Variants in INSC observed in about 807,000 individuals in gnomAD.
INSC encodes INSC spindle orientation adaptor protein.
INSC carries 67 observed loss-of-function variants against 58.6 expected under a neutral mutation model. That is an observed-to-expected ratio of 1.14 (90% CI 0.94 to 1.40). The LOEUF (loss-of-function observed/expected upper bound fraction) is 1.40, where lower values mean the gene tolerates loss of function less well. Among genes scored for constraint, INSC ranks in the 40% most tolerant of loss-of-function variants. The probability of loss-of-function intolerance (pLI) is 0.00; values close to 1 mark genes in which losing one functional copy is unlikely to be tolerated. For synonymous variants in INSC, 262 were observed against 276.1 expected, an observed-to-expected ratio of 0.95 and a Z score of 0.51; for missense variants, 714 against 692.0, an observed-to-expected ratio of 1.03 and a Z score of -0.36.
upstream of INSC, among the ~76,000 whole-genome samples, chr11:15,111,958 C>A (rs1847582892): frequency 6.6e-6 from 1 of 152,114 alleles, no homozygotes; most frequent in East Asian, 1.9e-4. Flanking sequence ...GCAATTGATA[C>A]CTATGAAGTT....
intron 7 of INSC, among the ~76,000 whole-genome samples, chr11:15,211,120 TA>T (rs5789868): frequency 0.24 from 37,204 of 152,096 alleles, 5,516 homozygotes; most frequent in East Asian, 0.73. Flanking sequence ...CAAGCCCAGC[TA>T]ATGGACAATC....
the INSC span, among the ~76,000 whole-genome samples, chr11:15,262,689 A>ACACACACACAC: frequency 1.4e-5 from 1 of 72,816 alleles, no homozygotes; most frequent in African/African-American, 5.0e-5. Flanking sequence ...CACACACACA[A>ACACACACACAC]ACAGTATCTC....
At chr11:15,130,100 A>G (rs1050826354) in intron 1 of INSC, among the ~76,000 whole-genome samples, 4 of 152,216 alleles carry the variant, frequency 2.6e-5, no homozygotes, top group East Asian at 1.9e-4. Context: ...TTTCTGTACT[A>G]GCTAAGATCT....
At chr11:15,120,089 T>C (rs1847833622) in intron 1 of INSC, among the ~76,000 whole-genome samples, 1 of 152,214 alleles carries the variant, frequency 6.6e-6, no homozygotes, top group Non-Finnish European at 1.5e-5. Flanking sequence ...TGAGCCTCCC[T>C]TTCCTGGTGC....
upstream of INSC, chr11:15,112,591 AGTGT>A (rs375142839): frequency 0.046 from 16,999 of 366,086 alleles, 270 homozygotes; most frequent in East Asian, 0.09. Flanking sequence ...GGTGGATGTG[AGTGT>A]GTGTGTGTGT....
chr11:15,121,120 C>T lies in INSC; in HGVS notation c.-46+6117C>T, dbSNP rs532082618. ...AGGAGAAATTGGAGACATGATGCCT[C>T]TTTAGCCCCTATATCGTTAAGTATA... is the stretch of plus-strand genomic sequence containing the variant. On this transcript the variant is annotated intron_variant, in intron 1 of 12. Transcript: ENST00000379556. Among the ~76,000 whole-genome samples the T allele has an allele frequency of 2.0e-5, 3 of 151,982 alleles. No individual in the cohort carries two copies. The South Asian group carries it at 6.2e-4, about 32-fold the overall frequency.
chr11:15,147,221 T>C (rs1848514979), intron 1 of INSC, among the ~76,000 whole-genome samples: 1 of 152,218 alleles, frequency 6.6e-6, no homozygotes, highest in South Asian at 2.1e-4. Flanking sequence ...TAGTTTTTCT[T>C]TTGCGCCATC....
chr11:15,210,538 TGTG>T, intron 7 of INSC, among the ~76,000 whole-genome samples: 1 of 151,672 alleles, frequency 6.6e-6, no homozygotes, highest in East Asian at 1.9e-4. Context: ...TGTGTGTGTG[TGTG>T]TGTGTGGTGG....
At chr11:15,200,973 G>A in intron 7 of INSC, 24 bp downstream of exon 7, 1 of 1,577,250 alleles carries the variant, frequency 6.3e-7, no homozygotes, top group South Asian at 1.1e-5. Context: ...GCTGGGTGGT[G>A]CCTGAGGTCC....
At chr11:15,181,261 T>C (rs1230725338) in intron 5 of INSC, among the ~76,000 whole-genome samples, 2 of 152,246 alleles carry the variant, frequency 1.3e-5, no homozygotes, top group African/African-American at 4.8e-5. Flanking sequence ...TTAAGCAACA[T>C]ATTCCAAACT....
At chr11:15,230,007 ATATATAATATAT>A (rs1851850999) in intron 9 of INSC, among the ~76,000 whole-genome samples, 1 of 26,406 alleles carries the variant, frequency 3.8e-5, no homozygotes. Context: ...ATATATATAT[ATATATAATATAT>A]ATATATATAT....
At position 15,177,060 on chromosome 11, in the gene INSC, T is replaced by C. The variant is rs375899760; in HGVS notation, c.403-51T>C. Reference sequence around the variant, plus strand: ...CCCGTGTGCTCAGCACAGCAGTTGGTCCTCAGTTAATGCTTACTGAGTTGA... The same window carrying C: ...CCCGTGTGCTCAGCACAGCAGTTGGCCCTCAGTTAATGCTTACTGAGTTGA... On this transcript the variant is annotated intron_variant, in intron 3 of 12. Coordinates refer to ENST00000379556, the MANE Select transcript of INSC (RefSeq NM_001042536.3). 28 of 1,390,540 alleles carry C rather than the reference T, an allele frequency of 2.0e-5. No individual in the cohort carries two copies. The African/African-American group carries it at 3.4e-4, about 17-fold the overall frequency. 86.1% of individuals were successfully genotyped at this position (1,390,540 alleles called of 1,614,324 possible). A position where few individuals can be genotyped will look rare whatever the true frequency, so the allele number is the denominator to read the frequency against.
At chr11:15,265,942 A>G in the INSC span, among the ~76,000 whole-genome samples, 1 of 151,168 alleles carries the variant, frequency 6.6e-6, no homozygotes, top group Middle Eastern at 3.2e-3. Flanking sequence ...CCTTTGCCTC[A>G]GTGAAATTTT....
upstream of INSC, among the ~76,000 whole-genome samples, chr11:15,113,403 T>C (rs551597234): frequency 6.6e-6 from 1 of 152,228 alleles, no homozygotes; most frequent in South Asian, 2.1e-4. Flanking sequence ...TTGTGATCTA[T>C]CCACCTTGGC....
At chr11:15,232,819 T>C (rs926654471) in intron 9 of INSC, among the ~76,000 whole-genome samples, 2 of 152,152 alleles carry the variant, frequency 1.3e-5, no homozygotes, top group South Asian at 2.1e-4. Context: ...TATACTCCCC[T>C]GAGCCAAAGA....
intron 9 of INSC, among the ~76,000 whole-genome samples, chr11:15,228,767 C>T (rs1463219972): frequency 6.6e-6 from 1 of 152,182 alleles, no homozygotes; most frequent in Non-Finnish European, 1.5e-5. Context: ...AGAACCCTTC[C>T]ATCATCCTGG....
chr11:15,254,483 G>C, the INSC span, among the ~76,000 whole-genome samples: 48 of 152,322 alleles, frequency 3.2e-4, no homozygotes, highest in East Asian at 5.2e-3. Context: ...ACTGTAGACT[G>C]TTGTGGACTT....
intron 9 of INSC, among the ~76,000 whole-genome samples, chr11:15,233,098 G>A (rs913081875): frequency 6.6e-6 from 1 of 152,180 alleles, no homozygotes; most frequent in Non-Finnish European, 1.5e-5. Flanking sequence ...ATGTGATAGA[G>A]CCAGGATTTA....
the INSC span, among the ~76,000 whole-genome samples, chr11:15,265,495 C>CT: frequency 1.2e-3 from 182 of 147,456 alleles, no homozygotes; most frequent in East Asian, 9.1e-3. Flanking sequence ...CACAATTCAC[C>CT]TTTTTTTTTT....
Sources: gnomAD v4.1 joint callset for allele counts (sites outside exome capture counted in the v4.1 genomes callset) on GRCh38, gnomAD v4.1.1 for gene constraint, MANE v1.5 for transcripts, NCBI Gene and HGNC (gene_info 2026-07-23, HGNC 2026-07-21) for gene names.